PAG1: variants seen among roughly 807,000 people sequenced by gnomAD.
The protein encoded by PAG1 is phosphoprotein membrane anchor with glycosphingolipid microdomains 1.
A neutral mutation model predicts 31.7 loss-of-function variants in PAG1; 23 were observed. That is an observed-to-expected ratio of 0.73 (90% CI 0.52 to 1.03). The LOEUF is 1.03. Ranked by LOEUF, PAG1 falls within the 50% of genes least tolerant of loss-of-function variation. PAG1 has a pLI of 0.00. For synonymous variants in PAG1, 214 were observed against 210.3 expected (o/e 1.02, Z -0.15); for missense variants, 473 against 540.7 (o/e 0.87, Z 1.24).
intron 3 of PAG1, among the ~76,000 whole-genome samples, chr8:81,002,416 C>A (rs374201273): frequency 6.6e-6 from 1 of 152,308 alleles, no homozygotes. Context: ...ACAGCTACTA[C>A]CTCACTGGGA....
chr8:81,034,451 A>T (rs1160746409), intron 2 of PAG1, among the ~76,000 whole-genome samples: 1 of 152,232 alleles, frequency 6.6e-6, no homozygotes, highest in African/African-American at 2.4e-5. Flanking sequence ...TATTTCCCAC[A>T]TGCAAACATC....
intron 1 of PAG1, among the ~76,000 whole-genome samples, chr8:81,103,063 T>C (rs1315515265): frequency 6.6e-6 from 1 of 152,142 alleles, no homozygotes; most frequent in Non-Finnish European, 1.5e-5. Flanking sequence ...ACAATAATTT[T>C]ATAAGTTAAA....
chr8:81,034,686 C>T (rs779233779), intron 2 of PAG1, among the ~76,000 whole-genome samples: 1 of 152,144 alleles, frequency 6.6e-6, no homozygotes, highest in African/African-American at 2.4e-5. Context: ...TTGTTTGAGT[C>T]GTGGTTTTAA....
At chr8:81,100,636 G>A (rs78729176) in intron 1 of PAG1, among the ~76,000 whole-genome samples, 1,751 of 152,328 alleles carry the variant, frequency 0.011, 35 homozygotes, top group African/African-American at 0.04. Flanking sequence ...AAACCAAACC[G>A]ATGGCGGACG....
At chr8:81,037,283 G>A (rs1318763521) in intron 2 of PAG1, 1 of 152,168 alleles carries the variant, frequency 6.6e-6, no homozygotes, top group African/African-American at 2.4e-5. Context: ...GACAGATACA[G>A]TTATAATACA....
intron 7 of PAG1, among the ~76,000 whole-genome samples, chr8:80,980,736 C>T (rs1241037120): frequency 1.3e-5 from 2 of 152,170 alleles, no homozygotes; most frequent in Non-Finnish European, 2.9e-5. Flanking sequence ...TCTGTAGGTA[C>T]AAAGAAGCCA....
At chr8:81,016,317 A>G (rs956917690) in intron 3 of PAG1, among the ~76,000 whole-genome samples, 2 of 152,216 alleles carry the variant, frequency 1.3e-5, no homozygotes, top group Non-Finnish European at 2.9e-5. Context: ...AATTTGTTCA[A>G]GGCAAACTAG....
chr8:81,027,210 C>A (rs953250312), intron 3 of PAG1, among the ~76,000 whole-genome samples: 3 of 152,050 alleles, frequency 2.0e-5, no homozygotes, highest in African/African-American at 7.2e-5. Flanking sequence ...CCATGTTGCC[C>A]AGGCTGGTCT....
chr8:81,110,361 A>C (rs1310336053), intron 1 of PAG1, among the ~76,000 whole-genome samples: 1 of 152,256 alleles, frequency 6.6e-6, no homozygotes, highest in African/African-American at 2.4e-5. Context: ...GTCACACAGC[A>C]GTACTGCATG....
At chr8:81,030,163 A>C (rs1298038069) in intron 2 of PAG1, 74 bp from the exon 3 acceptor site, 1 of 152,242 alleles carries the variant, frequency 6.6e-6, no homozygotes, top group Non-Finnish European at 1.5e-5. Flanking sequence ...TGTTCAGTTC[A>C]CTGTAAAAAT....
At chr8:81,023,967 C>T (rs145244664) in intron 3 of PAG1, among the ~76,000 whole-genome samples, 2 of 152,172 alleles carry the variant, frequency 1.3e-5, no homozygotes, top group East Asian at 3.9e-4. Flanking sequence ...ATCAGTTATC[C>T]ATTCTATGTA....
chr8:81,011,785 C>T (rs1807989007), intron 3 of PAG1, among the ~76,000 whole-genome samples: 1 of 152,174 alleles, frequency 6.6e-6, no homozygotes, highest in Non-Finnish European at 1.5e-5. Context: ...TTCACAGTGC[C>T]AGCTACTTTT....
At chr8:81,019,105 C>T (rs1294674786) in intron 3 of PAG1, among the ~76,000 whole-genome samples, 2 of 152,154 alleles carry the variant, frequency 1.3e-5, no homozygotes, top group African/African-American at 4.8e-5. Flanking sequence ...CAGCATTGTG[C>T]CCTTGCCCTA....
intron 3 of PAG1, among the ~76,000 whole-genome samples, chr8:81,027,631 C>T (rs369140022): frequency 2.6e-5 from 4 of 152,070 alleles, no homozygotes; most frequent in South Asian, 2.1e-4. Context: ...AGAGGCCGGG[C>T]GCGGTGGCTC....
intron 2 of PAG1, among the ~76,000 whole-genome samples, chr8:81,062,639 T>C (rs551959097): frequency 1.2e-4 from 19 of 152,342 alleles, no homozygotes; most frequent in Admixed American, 1.2e-3. Flanking sequence ...TGATTTGTCA[T>C]AGTTAAAGCC....
rs756591436 is a variant in PAG1, at chr8:80,993,224, C to A, written c.4G>T (p.Gly2Trp). 1 of 1,604,808 alleles carries A rather than the reference C, an allele frequency of 6.2e-7. No individual in the cohort carries two copies. Among genetic ancestry groups the A allele is most frequent in the Non-Finnish European group, 8.5e-7 (1 of 1,176,008 alleles). Residue 2 changes from glycine (G) to tryptophan (W), a missense_variant, in exon 4 of 9, where the codon GGG becomes TGG. Coordinates refer to ENST00000220597, the MANE Select transcript of PAG1 (RefSeq NM_018440.4). ...CTGCCCAGCAGGCTCCCCGCGGGCCCCATGGCAGGAGCAGGCACTGGCACC... is the reference window on the plus strand; with the variant it reads ...CTGCCCAGCAGGCTCCCCGCGGGCCACATGGCAGGAGCAGGCACTGGCACC... M[G>W]PAGSLLGSGQ...
chr8:81,111,349 C>T (rs1371819694), intron 1 of PAG1, among the ~76,000 whole-genome samples: 1 of 152,142 alleles, frequency 6.6e-6, no homozygotes, highest in Non-Finnish European at 1.5e-5. Context: ...GTCGAAATGC[C>T]CTAGGAGTAC....
chr8:81,068,011 C>G (rs1286727767), intron 2 of PAG1, among the ~76,000 whole-genome samples: 1 of 152,192 alleles, frequency 6.6e-6, no homozygotes, highest in Non-Finnish European at 1.5e-5. Flanking sequence ...ATTCTTGTGC[C>G]TCAGCCTCCC....
intron 3 of PAG1, among the ~76,000 whole-genome samples, chr8:81,008,705 G>A (rs935529744): frequency 4.0e-5 from 6 of 151,888 alleles, no homozygotes; most frequent in African/African-American, 9.7e-5. Flanking sequence ...CTGTGACTTC[G>A]TATGGCTTTC....
Sources: gnomAD v4.1 joint callset for allele counts (sites outside exome capture counted in the v4.1 genomes callset) on GRCh38, gnomAD v4.1.1 for gene constraint, MANE v1.5 for transcripts, NCBI Gene and HGNC (gene_info 2026-07-23, HGNC 2026-07-21) for gene names.